Variants in SORCS3 observed in about 807,000 individuals in gnomAD.
The protein encoded by SORCS3 is sortilin related VPS10 domain containing receptor 3, also known as VPS10 domain-containing receptor SorCS3.
Under a neutral mutation model 146.3 loss-of-function variants are expected in SORCS3, and 57 were observed. The observed-to-expected ratio is 0.39, with a 90% CI of 0.31 to 0.49. SORCS3 has a LOEUF of 0.49. Among genes scored for constraint, SORCS3 ranks in the 20% least tolerant of loss-of-function variants. SORCS3 has a pLI of 0.92. For missense variants in SORCS3, 1,341 were observed against 1,575.5 expected, an observed-to-expected ratio of 0.85 and a Z score of 2.52; for synonymous variants, 653 against 618.5, an observed-to-expected ratio of 1.06 and a Z score of -0.83.
intron 14 of SORCS3, among the ~76,000 whole-genome samples, chr10:105,179,552 A>G (rs557058239): frequency 1.4e-3 from 219 of 152,316 alleles, no homozygotes; most frequent in Middle Eastern, 0.01. Context: ...ATTAAGATGG[A>G]TCTTGGAAGT....
At chr10:104,924,907 T>TAAA (rs1316991558) in intron 3 of SORCS3, among the ~76,000 whole-genome samples, 2 of 151,884 alleles carry the variant, frequency 1.3e-5, no homozygotes, top group Non-Finnish European at 2.9e-5. Context: ...TTAATTTTTT[T>TAAA]AAAAAAATTT....
chr10:104,784,742 A>C (rs2017412507), intron 1 of SORCS3, among the ~76,000 whole-genome samples: 1 of 152,188 alleles, frequency 6.6e-6, no homozygotes, highest in Admixed American at 6.5e-5. Context: ...TCCTGGAATC[A>C]AGTGGTTTAG....
At chr10:104,890,988 A>C (rs1194191953) in intron 2 of SORCS3, among the ~76,000 whole-genome samples, 1 of 152,182 alleles carries the variant, frequency 6.6e-6, no homozygotes, top group Non-Finnish European at 1.5e-5. Flanking sequence ...CTGATACCAG[A>C]TACTGTGATT....
intron 1 of SORCS3, among the ~76,000 whole-genome samples, chr10:104,741,200 G>C (rs531166065): frequency 1.4e-5 from 2 of 141,354 alleles, no homozygotes; most frequent in East Asian, 4.1e-4. Context: ...CAAACTCTTG[G>C]CCTTAATCAG....
intron 2 of SORCS3, among the ~76,000 whole-genome samples, chr10:104,865,967 T>A (rs967292931): frequency 1.3e-5 from 2 of 152,320 alleles, no homozygotes; most frequent in Middle Eastern, 3.4e-3. Context: ...TAGTTTTCTA[T>A]CTGTTCCCCA....
chr10:105,161,272 C>T (rs1292847270), intron 11 of SORCS3, among the ~76,000 whole-genome samples: 1 of 152,192 alleles, frequency 6.6e-6, no homozygotes, highest in Non-Finnish European at 1.5e-5. Flanking sequence ...TACCCAGCTT[C>T]TCCTTACCCT....
At chr10:104,646,890 A>G (rs962371706) in intron 1 of SORCS3, among the ~76,000 whole-genome samples, 4 of 152,078 alleles carry the variant, frequency 2.6e-5, no homozygotes, top group African/African-American at 7.2e-5. Context: ...GTTGTGGGTA[A>G]CTGAGAAAAG....
chr10:105,244,498 T>G (rs553413170), intron 20 of SORCS3, among the ~76,000 whole-genome samples: 1 of 152,284 alleles, frequency 6.6e-6, no homozygotes, highest in South Asian at 2.1e-4. Flanking sequence ...GCATGGATTT[T>G]TGTATACACA....
chr10:104,956,862 T>G (rs2019498136), intron 3 of SORCS3, among the ~76,000 whole-genome samples: 1 of 152,210 alleles, frequency 6.6e-6, no homozygotes, highest in Admixed American at 6.5e-5. Context: ...CGACTTATTC[T>G]GTGTAATTTT....
At chr10:105,024,970 G>C (rs1340604821) in intron 4 of SORCS3, among the ~76,000 whole-genome samples, 2 of 152,134 alleles carry the variant, frequency 1.3e-5, no homozygotes, top group Non-Finnish European at 2.9e-5. Flanking sequence ...AATTTCTATA[G>C]TGAGTTCTTT....
chr10:104,937,934 A>C (rs2019276244), intron 3 of SORCS3, among the ~76,000 whole-genome samples: 1 of 152,170 alleles, frequency 6.6e-6, no homozygotes, highest in South Asian at 2.1e-4. Context: ...GTTTGGATGC[A>C]GGTGCCAGTG....
At chr10:104,650,376 G>GT (rs1400243792) in intron 1 of SORCS3, among the ~76,000 whole-genome samples, 1 of 152,230 alleles carries the variant, frequency 6.6e-6, no homozygotes, top group Non-Finnish European at 1.5e-5. Flanking sequence ...AAAGTAGACT[G>GT]TAAGTGAATT....
At position 104,859,156 on chromosome 10, in the gene SORCS3, A is replaced by G. The variant is rs79295088; in HGVS notation, c.695+16297A>G. ...TATGAGAATAAGACTTGGATAATGA[A>G]ATCTCTGGAAATCATGCATCTCCAG... is the stretch of plus-strand genomic sequence containing the variant. On this transcript the variant is annotated intron_variant, in intron 2 of 26. Transcript: ENST00000369701. 4.3e-3 allele frequency among the ~76,000 whole-genome samples: 654 copies of G among 152,156 alleles called. 4 individuals carry two copies. Among genetic ancestry groups the G allele is most frequent in the South Asian group, 0.012 (60 of 4,802 alleles).
chr10:104,861,568 G>A (rs1589527386), intron 2 of SORCS3, among the ~76,000 whole-genome samples: 1 of 152,084 alleles, frequency 6.6e-6, no homozygotes, highest in East Asian at 1.9e-4. Context: ...TCATTCTCGT[G>A]TTTCCCCACA....
At chr10:105,028,361 C>T (rs1489520799) in intron 4 of SORCS3, among the ~76,000 whole-genome samples, 3 of 152,310 alleles carry the variant, frequency 2.0e-5, no homozygotes, top group East Asian at 3.9e-4. Context: ...GGGAAAGAAA[C>T]TCTGACAAAA....
intron 4 of SORCS3, among the ~76,000 whole-genome samples, chr10:104,982,796 T>C (rs1352227748): frequency 1.3e-5 from 2 of 152,128 alleles, no homozygotes; most frequent in Non-Finnish European, 2.9e-5. Flanking sequence ...CCTGTGATAT[T>C]TGAATGTTAC....
chr10:104,944,178 A>C (rs183103851), intron 3 of SORCS3, among the ~76,000 whole-genome samples: 254 of 152,354 alleles, frequency 1.7e-3, no homozygotes, highest in Middle Eastern at 6.8e-3. Context: ...ATTAAAAAAT[A>C]ATAATCTTGA....
At chr10:105,133,750 T>C (rs2056038227) in intron 7 of SORCS3, among the ~76,000 whole-genome samples, 1 of 152,178 alleles carries the variant, frequency 6.6e-6, no homozygotes, top group South Asian at 2.1e-4. Flanking sequence ...TTTGGTCACT[T>C]TGAGACCAGC....
intron 1 of SORCS3, among the ~76,000 whole-genome samples, chr10:104,839,892 G>A (rs2018117704): frequency 6.6e-6 from 1 of 152,154 alleles, no homozygotes; most frequent in Admixed American, 6.5e-5. Context: ...GAAGGAGATG[G>A]GTAAGGAAGG....
Sources: gnomAD v4.1 joint callset for allele counts (sites outside exome capture counted in the v4.1 genomes callset) on GRCh38, gnomAD v4.1.1 for gene constraint, MANE v1.5 for transcripts, NCBI Gene and HGNC (gene_info 2026-07-23, HGNC 2026-07-21) for gene names.